HTR4: variants seen among roughly 807,000 people sequenced by gnomAD.
The protein encoded by HTR4 is 5-hydroxytryptamine receptor 4.
Under a neutral mutation model 36.8 loss-of-function variants are expected in HTR4, and 16 were observed. The ratio of observed to expected loss-of-function variants is 0.43; its 90% CI spans 0.29 to 0.66. The LOEUF (loss-of-function observed/expected upper bound fraction) is 0.66. Ranked by LOEUF, HTR4 falls within the 30% of genes least tolerant of loss-of-function variation. The pLI is 0.13. For missense variants in HTR4, 438 were observed against 490.9 expected (o/e 0.89, Z 1.02); for synonymous variants, 189 against 185.1 (o/e 1.02, Z -0.17).
At chr5:148,560,840 C>T (rs1210430030) in intron 2 of HTR4, among the ~76,000 whole-genome samples, 1 of 151,984 alleles carries the variant, frequency 6.6e-6, no homozygotes, top group Non-Finnish European at 1.5e-5. Context: ...TTTAAACATG[C>T]TTACTTAGAA....
intron 2 of HTR4, among the ~76,000 whole-genome samples, chr5:148,591,023 G>T (rs1761545508): frequency 1.3e-5 from 2 of 152,248 alleles, no homozygotes; most frequent in East Asian, 3.9e-4. Flanking sequence ...TAAGGAAGGG[G>T]TCCAGCTTCA....
chr5:148,565,504 A>C (rs189271396), intron 2 of HTR4, among the ~76,000 whole-genome samples: 5 of 152,274 alleles, frequency 3.3e-5, no homozygotes, highest in Admixed American at 1.3e-4. Flanking sequence ...TGGGGTTTAG[A>C]AGGTGGTAAA....
At chr5:148,473,947 G>T (rs1248446961), downstream of HTR4, among the ~76,000 whole-genome samples, 1 of 151,858 alleles carries the variant, frequency 6.6e-6, no homozygotes, top group Non-Finnish European at 1.5e-5. Context: ...CCACCGAGAC[G>T]GCTACTATTA....
At chr5:148,456,374 T>C (rs1301108025) in intron 5 of HTR4, among the ~76,000 whole-genome samples, 1 of 152,230 alleles carries the variant, frequency 6.6e-6, no homozygotes, top group Non-Finnish European at 1.5e-5. Context: ...TGGCTAACTT[T>C]ATGCACTGTC....
chr5:148,644,498 T>C (rs1753823993), intron 1 of HTR4, among the ~76,000 whole-genome samples: 1 of 134,860 alleles, frequency 7.4e-6, no homozygotes, highest in African/African-American at 2.8e-5. Context: ...AAGAAGCAGA[T>C]CTCATGATAA....
intron 2 of HTR4, among the ~76,000 whole-genome samples, chr5:148,603,298 C>A (rs892513622): frequency 6.6e-6 from 1 of 151,836 alleles, no homozygotes; most frequent in African/African-American, 2.4e-5. Context: ...CATACCACCA[C>A]CTCAAAAAAA....
At chr5:148,541,889 C>T (rs549543520) in intron 4 of HTR4, among the ~76,000 whole-genome samples, 7 of 152,154 alleles carry the variant, frequency 4.6e-5, no homozygotes, top group Non-Finnish European at 1.0e-4. Flanking sequence ...CTGCAGATCC[C>T]GGCATCAGCA....
At chr5:148,474,871 C>T (rs1490778553), downstream of HTR4, among the ~76,000 whole-genome samples, 3 of 151,204 alleles carry the variant, frequency 2.0e-5, no homozygotes, top group Non-Finnish European at 4.4e-5. Flanking sequence ...CACGGTGAAA[C>T]CCCATCTCTA....
chr5:148,509,758 G>C lies in HTR4; in HGVS notation c.774C>G (p.Ala258=). Residue 258 remains alanine (A), a synonymous_variant, in exon 6 of 7, where the codon GCC becomes GCG. Coordinates refer to ENST00000377888, the MANE Select transcript of HTR4 (RefSeq NM_000870.7). The part of the protein sequence containing the change: ...THRMRTETKA[A]KTLCIIMGCF... ...AACCCATGATGATGCACAGGGTCTT[G>C]GCTGCTTTGGTCTCTGTCCTCATGC... 2 of 1,614,100 alleles carry C rather than the reference G, an allele frequency of 1.2e-6. No individual in the cohort carries two copies. Among genetic ancestry groups the C allele is most frequent in the Non-Finnish European group, 1.7e-6 (2 of 1,179,994 alleles).
rs557911002 is a variant in HTR4, at chr5:148,505,141, A to G, written c.1076+4315T>C. ...ATCCTCAATAAAATACTGGCAAACC[A>G]AATCCAGCAGCACATCAAAAAGCTT... On this transcript the variant is annotated intron_variant, in intron 6 of 6. Coordinates refer to ENST00000377888, the MANE Select transcript of HTR4 (RefSeq NM_000870.7). Among the ~76,000 whole-genome samples, 327 of 152,274 alleles carry G rather than the reference A, an allele frequency of 2.1e-3. 2 individuals carry two copies. Among genetic ancestry groups the G allele is most frequent in the African/African-American group, 7.3e-3 (303 of 41,572 alleles).
At chr5:148,642,578 A>C (rs1272363344) in intron 1 of HTR4, among the ~76,000 whole-genome samples, 2 of 152,322 alleles carry the variant, frequency 1.3e-5, no homozygotes, top group East Asian at 3.9e-4. Flanking sequence ...GCACTAAAAC[A>C]CACAATCCCA....
intron 6 of HTR4, among the ~76,000 whole-genome samples, chr5:148,501,101 C>T (rs1013098271): frequency 1.3e-5 from 2 of 152,044 alleles, no homozygotes; most frequent in East Asian, 1.9e-4. Context: ...TACTTACATG[C>T]CCACTAACAG....
At chr5:148,555,275 AAAG>A (rs1759894577) in intron 2 of HTR4, among the ~76,000 whole-genome samples, 1 of 152,146 alleles carries the variant, frequency 6.6e-6, no homozygotes, top group Non-Finnish European at 1.5e-5. Flanking sequence ...TACTCTTGTA[AAAG>A]AAGAAAACAG....
At position 148,452,496 on chromosome 5, in the gene HTR4, G is replaced by A. The variant is rs1176110787; in HGVS notation, c.1077-1224C>T. On this transcript the variant is annotated intron_variant, in intron 5 of 5. Coordinates refer to the HTR4 transcript ENST00000521530. ...AGGTAGCTCTACTGGCACCTAGCGG[G>A]TAGGGACCGGGGATGCTGATCAGTG... Among the ~76,000 whole-genome samples, 7 of 152,326 alleles carry A rather than the reference G, an allele frequency of 4.6e-5. No individual in the cohort carries two copies. In the South Asian group the frequency reaches 1.4e-3, roughly 32 times the overall value.
intron 2 of HTR4, among the ~76,000 whole-genome samples, chr5:148,584,652 G>T (rs1389624785): frequency 6.6e-6 from 1 of 152,034 alleles, no homozygotes; most frequent in Non-Finnish European, 1.5e-5. Flanking sequence ...TTTGTTTGGG[G>T]GCACCAATAT....
At chr5:148,590,548 C>G (rs1761525415) in intron 2 of HTR4, among the ~76,000 whole-genome samples, 1 of 151,724 alleles carries the variant, frequency 6.6e-6, no homozygotes, top group South Asian at 2.1e-4. Flanking sequence ...CTCAGCGCTA[C>G]CCACATGTTC....
chr5:148,499,675 G>A (rs1325329207), intron 6 of HTR4, among the ~76,000 whole-genome samples: 1 of 152,204 alleles, frequency 6.6e-6, no homozygotes, highest in Non-Finnish European at 1.5e-5. Flanking sequence ...GGGTGAGATA[G>A]TTTGGATGTT....
rs1759161192 is a variant in HTR4, at chr5:148,542,399, C to T, written c.353+6269G>A. On this transcript the variant is annotated intron_variant, in intron 4 of 6. Transcript: ENST00000377888. ...CTCCAGGGAGATCATTAAGAAAATGCAGATACATTTATCTCCAGCACAAGA... is the reference window on the plus strand; with the variant it reads ...CTCCAGGGAGATCATTAAGAAAATGTAGATACATTTATCTCCAGCACAAGA... Among the ~76,000 whole-genome samples, 4 of 152,160 alleles carry T rather than the reference C, an allele frequency of 2.6e-5. No individual in the cohort carries two copies. The South Asian group carries it at 8.3e-4, about 32-fold the overall frequency.
At chr5:148,519,358 G>T (rs1189548285) in intron 5 of HTR4, among the ~76,000 whole-genome samples, 1 of 152,158 alleles carries the variant, frequency 6.6e-6, no homozygotes, top group Non-Finnish European at 1.5e-5. Context: ...CCTGCATTGG[G>T]TTGGTGTGGT....
Sources: gnomAD v4.1 joint callset for allele counts (sites outside exome capture counted in the v4.1 genomes callset) on GRCh38, gnomAD v4.1.1 for gene constraint, MANE v1.5 for transcripts, NCBI Gene and HGNC (gene_info 2026-07-23, HGNC 2026-07-21) for gene names.